Variants in TMEFF2 observed in about 807,000 individuals in gnomAD.
TMEFF2 encodes tomoregulin-2.
In TMEFF2, 28 loss-of-function variants were observed where a neutral mutation model predicts 53.8. That is an observed-to-expected ratio of 0.52 (90% CI 0.39 to 0.71). The LOEUF is 0.71. Among genes scored for constraint, TMEFF2 ranks in the 30% least tolerant of loss-of-function variants. The pLI is 0.00. For missense variants in TMEFF2, 353 were observed against 455.2 expected, an observed-to-expected ratio of 0.78 and a Z score of 2.04; for synonymous variants, 162 against 166.3, an observed-to-expected ratio of 0.97 and a Z score of 0.20.
chr2:192,028,235 C>T (rs1311899246), intron 5 of TMEFF2, among the ~76,000 whole-genome samples: 1 of 152,148 alleles, frequency 6.6e-6, no homozygotes. Flanking sequence ...CTTCCCCAGC[C>T]ATGTGGGACT....
intron 5 of TMEFF2, among the ~76,000 whole-genome samples, chr2:192,028,106 T>A (rs1163684817): frequency 1.4e-5 from 2 of 146,902 alleles, no homozygotes; most frequent in Non-Finnish European, 3.0e-5. Flanking sequence ...AGTGAATGAG[T>A]CTCATGAGAT....
chr2:192,043,399 T>C (rs570207488), intron 5 of TMEFF2, among the ~76,000 whole-genome samples: 1 of 152,300 alleles, frequency 6.6e-6, no homozygotes, highest in South Asian at 2.1e-4. Context: ...ATGTATACTG[T>C]TAATCTTTCT....
chr2:192,013,222 T>C (rs1686671488), intron 5 of TMEFF2, among the ~76,000 whole-genome samples: 1 of 152,182 alleles, frequency 6.6e-6, no homozygotes, highest in Non-Finnish European at 1.5e-5. Flanking sequence ...CCATTTTATT[T>C]CTGATCAATC....
chr2:192,143,150 T>G (rs1559144529), intron 4 of TMEFF2, among the ~76,000 whole-genome samples: 1 of 152,194 alleles, frequency 6.6e-6, no homozygotes, highest in Non-Finnish European at 1.5e-5. Flanking sequence ...TTAGTCTACG[T>G]AAAACTCACC....
intron 7 of TMEFF2, among the ~76,000 whole-genome samples, chr2:191,983,661 C>G (rs939386118): frequency 2.0e-5 from 3 of 152,116 alleles, no homozygotes. Flanking sequence ...GTACAGAGCC[C>G]AGTAAACCTG....
chr2:192,038,644 A>C (rs753468256), intron 5 of TMEFF2, among the ~76,000 whole-genome samples: 1 of 151,876 alleles, frequency 6.6e-6, no homozygotes, highest in Non-Finnish European at 1.5e-5. Flanking sequence ...GATGTCCACC[A>C]CCATGCCTGG....
intron 5 of TMEFF2, among the ~76,000 whole-genome samples, chr2:192,025,999 C>A (rs1030260582): frequency 6.6e-6 from 1 of 152,104 alleles, no homozygotes; most frequent in African/African-American, 2.4e-5. Context: ...AAAGACAATG[C>A]ATTTATTGCT....
intron 5 of TMEFF2, among the ~76,000 whole-genome samples, chr2:192,020,003 T>G (rs1686826382): frequency 6.6e-6 from 1 of 152,106 alleles, no homozygotes; most frequent in Admixed American, 6.5e-5. Context: ...CATACTATGC[T>G]TCTAGGAAAC....
At chr2:192,145,725 C>T (rs777580676) in intron 4 of TMEFF2, among the ~76,000 whole-genome samples, 9 of 152,038 alleles carry the variant, frequency 5.9e-5, no homozygotes, top group South Asian at 2.1e-4. Context: ...TTACTAGGCA[C>T]GCAGTCTTGG....
chr2:192,021,159 A>G (rs1260301852), intron 5 of TMEFF2, among the ~76,000 whole-genome samples: 1 of 152,112 alleles, frequency 6.6e-6, no homozygotes, highest in Non-Finnish European at 1.5e-5. Flanking sequence ...TCTCACACCA[A>G]TACTACTCTG....
chr2:192,020,457 T>C (rs545047777), intron 5 of TMEFF2, among the ~76,000 whole-genome samples: 1 of 152,244 alleles, frequency 6.6e-6, no homozygotes, highest in Non-Finnish European at 1.5e-5. Context: ...ATTATAATGC[T>C]AAATTTACTC....
At chr2:192,171,066 T>C (rs968536141) in intron 4 of TMEFF2, among the ~76,000 whole-genome samples, 2 of 152,120 alleles carry the variant, frequency 1.3e-5, no homozygotes, top group Admixed American at 6.6e-5. Context: ...CAATTTGGCA[T>C]GCACTGCAGC....
chr2:192,035,694 T>C (rs981649206), intron 5 of TMEFF2, among the ~76,000 whole-genome samples: 2 of 152,222 alleles, frequency 1.3e-5, no homozygotes, highest in Non-Finnish European at 2.9e-5. Flanking sequence ...ATCCATTTTC[T>C]TTATTAGATT....
At chr2:192,007,715 G>C (rs1174346988) in intron 5 of TMEFF2, among the ~76,000 whole-genome samples, 1 of 152,186 alleles carries the variant, frequency 6.6e-6, no homozygotes, top group Non-Finnish European at 1.5e-5. Context: ...TCAACATGAT[G>C]AAAGCGGTGC....
At chr2:192,084,589 C>T (rs1688624499) in intron 4 of TMEFF2, among the ~76,000 whole-genome samples, 1 of 152,142 alleles carries the variant, frequency 6.6e-6, no homozygotes, top group Admixed American at 6.6e-5. Flanking sequence ...ACCTTTCTAC[C>T]TCTTCACTAT....
chr2:192,164,895 T>C (rs1254389296), intron 4 of TMEFF2, among the ~76,000 whole-genome samples: 1 of 152,174 alleles, frequency 6.6e-6, no homozygotes, highest in Admixed American at 6.6e-5. Context: ...TATTATGCTA[T>C]GTTATCAATG....
At chr2:192,151,786 G>C (rs1690394825) in intron 4 of TMEFF2, among the ~76,000 whole-genome samples, 1 of 151,872 alleles carries the variant, frequency 6.6e-6, no homozygotes, top group Admixed American at 6.6e-5. Flanking sequence ...TTAGTGATGA[G>C]ATGTTTAAAT....
intron 4 of TMEFF2, among the ~76,000 whole-genome samples, chr2:192,140,662 C>G (rs2105989283): frequency 6.6e-6 from 1 of 152,174 alleles, no homozygotes; most frequent in South Asian, 2.1e-4. Context: ...ACCGTATCAA[C>G]ATTTCAAGGA....
rs533573469 is a variant in TMEFF2, at chr2:192,141,532, A to G, written c.439+38136T>C. The stretch of plus-strand genomic sequence containing the variant: ...GGTCTCAAACATGCATTTGACTTTT[A>G]TTATTATTTAGTAAAATAATTCCAG... On this transcript the variant is annotated intron_variant, in intron 4 of 9. Transcript: ENST00000272771. Among the ~76,000 whole-genome samples the G allele has an allele frequency of 4.0e-5, 6 of 151,804 alleles. No homozygotes were observed. The South Asian group carries it at 1.2e-3, about 32-fold the overall frequency.
Sources: gnomAD v4.1 joint callset for allele counts (sites outside exome capture counted in the v4.1 genomes callset) on GRCh38, gnomAD v4.1.1 for gene constraint, MANE v1.5 for transcripts, NCBI Gene and HGNC (gene_info 2026-07-23, HGNC 2026-07-21) for gene names.